Variants in PZP observed in about 807,000 individuals in gnomAD.
PZP encodes the protein PZP alpha-2-macroglobulin like.
Under a neutral mutation model 179.8 loss-of-function variants are expected in PZP, and 150 were observed. The observed-to-expected ratio is 0.83, with a 90% CI of 0.73 to 0.96. The LOEUF is 0.96. Ranked by LOEUF, PZP falls within the 40% of genes least tolerant of loss-of-function variation. PZP has a pLI of 0.00. For missense variants in PZP, 1,689 were observed against 1,764.0 expected (o/e 0.96, Z 0.76); for synonymous variants, 624 against 652.3 (o/e 0.96, Z 0.66).
In PZP at chr12:9,202,350, A is replaced by C; in HGVS notation, c.449T>G (p.Val150Gly). 1 of 1,614,132 alleles carries C rather than the reference A, an allele frequency of 6.2e-7. No individual in the cohort carries two copies. The highest frequency in any genetic ancestry group is 1.1e-5 in the South Asian group (1 of 91,078). ...GQTVRFRVVS[V>G]DENFRPRNEL... is the part of the protein sequence containing the mutation. Reference sequence around the variant, plus strand: ...ATTTCGAGGGCGAAAATTTTCATCCACGGAGACAACACGGAATCTTACTGG... The same window carrying C: ...ATTTCGAGGGCGAAAATTTTCATCCCCGGAGACAACACGGAATCTTACTGG... The change falls in exon 4 of 36, where the codon GTG (valine) becomes GGG (glycine). Residue 150 changes from valine to glycine, a missense_variant. Transcript: ENST00000261336.
rs1203583077 is a variant in PZP, at chr12:9,169,819, T to A, written c.1840-228A>T. ...TTCCAAAGATTAACAAAATCTTAAG[T>A]TATGAAGGATTAATTAAAACTTCAT... is the stretch of plus-strand genomic sequence containing the variant. On this transcript the variant is annotated intron_variant, in intron 15 of 35. Transcript: ENST00000261336. 1.1e-5 allele frequency: 4 copies of A among 380,372 alleles called. No homozygotes were observed. In the South Asian group the frequency reaches 2.9e-4, roughly 27 times the overall value. 23.6% of individuals were successfully genotyped at this position (380,372 alleles called of 1,614,324 possible). A position where few individuals can be genotyped will look rare whatever the true frequency, so the allele number is the denominator to read the frequency against.
At chr12:9,189,803 C>A (rs1188606322) in intron 13 of PZP, among the ~76,000 whole-genome samples, 2 of 152,084 alleles carry the variant, frequency 1.3e-5, no homozygotes, top group African/African-American at 4.8e-5. Flanking sequence ...AAGGAAAAAA[C>A]AAACCACCAC....
chr12:9,175,170 ATCT>A (rs1397091036), intron 15 of PZP, among the ~76,000 whole-genome samples: 35 of 152,172 alleles, frequency 2.3e-4, no homozygotes, highest in Non-Finnish European at 4.7e-4. Flanking sequence ...ACCTACAACC[ATCT>A]GATCTTTGAC....
intron 5 of PZP, 41 bp from the exon 6 acceptor site, chr12:9,201,101 A>C (rs1387878692): frequency 2.5e-6 from 4 of 1,606,848 alleles, no homozygotes; most frequent in East Asian, 2.2e-5. Flanking sequence ...TCATTTAGTC[A>C]CAATAGTCCT....
intron 25 of PZP, 73 bp from the exon 26 acceptor site, chr12:9,158,649 G>T: frequency 1.4e-6 from 2 of 1,469,136 alleles, no homozygotes; most frequent in South Asian, 1.4e-5. Flanking sequence ...GTACACACAG[G>T]CTCCCCCATC....
intron 15 of PZP, chr12:9,169,896 G>T: frequency 5.1e-6 from 1 of 196,646 alleles, no homozygotes; most frequent in Admixed American, 6.0e-5. Flanking sequence ...GACGTAACTT[G>T]CATCTGTGTT....
chr12:9,157,529 A>G (rs1940851772), intron 27 of PZP, among the ~76,000 whole-genome samples, 174 bp from the exon 28 acceptor site: 1 of 152,264 alleles, frequency 6.6e-6, no homozygotes, highest in African/African-American at 2.4e-5. Context: ...TTTATAGTTC[A>G]GTCTTAAAGA....
In PZP at chr12:9,159,923, G is replaced by A; in HGVS notation, c.3137+15C>T. On this transcript the variant is annotated intron_variant, in intron 25 of 35. Transcript: ENST00000261336. ...GAACTCATAGTTGAAACTCAGAATAGATTTTCTTTCTTACCAAGTGTTGCC... is the reference window on the plus strand; with the variant it reads ...GAACTCATAGTTGAAACTCAGAATAAATTTTCTTTCTTACCAAGTGTTGCC... 7 of 1,593,008 alleles carry A rather than the reference G, an allele frequency of 4.4e-6. No individual in the cohort carries two copies. The highest frequency in any genetic ancestry group is 6.0e-6 in the Non-Finnish European group (7 of 1,161,032).
At chr12:9,198,063 T>C (rs1943937949) in intron 7 of PZP, among the ~76,000 whole-genome samples, 1 of 148,868 alleles carries the variant, frequency 6.7e-6, no homozygotes, top group South Asian at 2.1e-4. Flanking sequence ...TATATATGTT[T>C]TTCCTTTGGC....
At chr12:9,199,903 A>C in intron 7 of PZP, among the ~76,000 whole-genome samples, 1 of 152,220 alleles carries the variant, frequency 6.6e-6, no homozygotes, top group Non-Finnish European at 1.5e-5. Context: ...CTTAGGAGTC[A>C]TAATAACCAA....
At chr12:9,193,247 A>G (rs1174260707) in intron 11 of PZP, among the ~76,000 whole-genome samples, 1 of 152,156 alleles carries the variant, frequency 6.6e-6, no homozygotes, top group African/African-American at 2.4e-5. Context: ...CCTTGCAGAT[A>G]ATGTTTTGCG....
At chr12:9,136,710 A>G in the PZP span, among the ~76,000 whole-genome samples, 1 of 151,998 alleles carries the variant, frequency 6.6e-6, no homozygotes, top group Admixed American at 6.5e-5. Flanking sequence ...TTTATTTGAT[A>G]ATAGGCATCC....
At chr12:9,190,757 C>T (rs1361810244) in intron 13 of PZP, among the ~76,000 whole-genome samples, 2 of 151,952 alleles carry the variant, frequency 1.3e-5, no homozygotes, top group Non-Finnish European at 2.9e-5. Context: ...TTTAAAATCT[C>T]AATTCTGAAA....
At chr12:9,139,582 A>G in the PZP span, among the ~76,000 whole-genome samples, 7 of 151,946 alleles carry the variant, frequency 4.6e-5, no homozygotes, top group African/African-American at 1.5e-4. Context: ...TGTTTTTCCA[A>G]TGTTTGCTTT....
chr12:9,207,404 A>T (rs1944490574), intron 1 of PZP, among the ~76,000 whole-genome samples: 1 of 152,224 alleles, frequency 6.6e-6, no homozygotes, highest in East Asian at 1.9e-4. Context: ...AAGGCCAGGG[A>T]CCTTAAATGG....
intron 32 of PZP, 24 bp from the exon 33 acceptor site, chr12:9,151,696 G>C (rs1161544710): frequency 6.3e-7 from 1 of 1,594,708 alleles, no homozygotes; most frequent in East Asian, 2.2e-5. Flanking sequence ...GAAAACTTCA[G>C]TTAAAGTTAG....
chr12:9,194,172 C>A lies in PZP; in HGVS notation c.1159G>T (p.Ala387Ser), dbSNP rs1205239830. ...NKLFFISVND[A>S]NYYSNATTNE... is the part of the protein sequence containing the mutation. ...GTGGTTGCATTGGAGTAATAATTGG[C>A]GTCATTCACAGAGATGAAGAAGAGT... The change falls in exon 11 of 36, where the codon GCC (alanine) becomes TCC (serine). Residue 387 changes from alanine (A) to serine (S), a missense_variant. Physicochemically the swap from Ala to Ser is moderately conservative, Grantham distance 99 (BLOSUM62 1). Coordinates refer to ENST00000261336, the MANE Select transcript of PZP (RefSeq NM_002864.3). 1.2e-6 allele frequency: 2 copies of A among 1,613,758 alleles called. No individual in the cohort carries two copies. Among genetic ancestry groups the A allele is most frequent in the Admixed American group, 3.3e-5 (2 of 60,004 alleles).
At chr12:9,141,329 T>C in the PZP span, among the ~76,000 whole-genome samples, 1 of 152,234 alleles carries the variant, frequency 6.6e-6, no homozygotes, top group East Asian at 1.9e-4. Context: ...GCTAAACCTT[T>C]ATATTAGTGT....
At chr12:9,183,360 A>G (rs745677906) in intron 13 of PZP, among the ~76,000 whole-genome samples, 3 of 152,266 alleles carry the variant, frequency 2.0e-5, no homozygotes, top group Non-Finnish European at 4.4e-5. Context: ...TCATTTTATT[A>G]TCTATATGTG....
Sources: allele counts gnomAD v4.1 joint callset (sites outside exome capture counted in the v4.1 genomes callset), GRCh38; gene constraint gnomAD v4.1.1; transcripts MANE v1.5; gene names NCBI Gene and HGNC (gene_info 2026-07-23, HGNC 2026-07-21).